The following GABRG3 variants were observed in gnomAD, a reference collection of about 807,000 sequenced individuals.
GABRG3 encodes the protein gamma-aminobutyric acid type A receptor subunit gamma3.
GABRG3 carries 25 observed loss-of-function variants against 48.8 expected under a neutral mutation model. The observed-to-expected ratio is 0.51, with a 90% CI of 0.37 to 0.72. The LOEUF (loss-of-function observed/expected upper bound fraction) is 0.72, where lower values mean the gene tolerates loss of function less well. Among genes scored for constraint, GABRG3 ranks in the 30% least tolerant of loss-of-function variants. GABRG3 has a pLI of 0.00. For synonymous variants in GABRG3, 227 were observed against 217.6 expected (o/e 1.04, Z -0.38); for missense variants, 394 against 577.9 (o/e 0.68, Z 3.26).
intron 3 of GABRG3, among the ~76,000 whole-genome samples, chr15:27,172,671 C>T (rs369558214): frequency 5.9e-5 from 9 of 152,218 alleles, no homozygotes; most frequent in African/African-American, 1.7e-4. Flanking sequence ...TAATACATAA[C>T]GGCCAACATG....
intron 3 of GABRG3, among the ~76,000 whole-genome samples, chr15:27,031,934 G>A (rs1896094641): frequency 6.6e-6 from 1 of 152,186 alleles, no homozygotes; most frequent in African/African-American, 2.4e-5. Context: ...AAAGTTCATA[G>A]CAGTTTTTGC....
intron 3 of GABRG3, chr15:27,161,021 C>T (rs576534118): frequency 2.6e-5 from 4 of 152,126 alleles, no homozygotes; most frequent in African/African-American, 9.6e-5. Context: ...GGTGCACCCA[C>T]CTGTTGTCTC....
In GABRG3 at chr15:27,114,095, G is replaced by T. The variant is rs566274694; in HGVS notation, c.270+87274G>T. On this transcript the variant is annotated intron_variant, in intron 3 of 9. Coordinates refer to ENST00000615808, the MANE Select transcript of GABRG3 (RefSeq NM_033223.5). ...TTAAAATTTATTTCCAAGACCTTTGGATATACTTTCAATAGTTTTTAATAG... is the reference window on the plus strand; with the variant it reads ...TTAAAATTTATTTCCAAGACCTTTGTATATACTTTCAATAGTTTTTAATAG... Among the ~76,000 whole-genome samples, 10 of 152,210 alleles carry T rather than the reference G, an allele frequency of 6.6e-5. No individual in the cohort carries two copies. In the East Asian group the frequency reaches 1.9e-3, roughly 29 times the overall value.
intron 5 of GABRG3, among the ~76,000 whole-genome samples, chr15:27,406,515 C>T (rs1293861500): frequency 6.6e-6 from 1 of 152,158 alleles, no homozygotes. Flanking sequence ...GTGGTAGCCC[C>T]TAAAACACTC....
intron 5 of GABRG3, among the ~76,000 whole-genome samples, chr15:27,456,042 G>A (rs563648186): frequency 8.5e-4 from 129 of 152,240 alleles, no homozygotes; most frequent in Admixed American, 2.1e-3. Flanking sequence ...CCCACCCTTA[G>A]CTTTCTATGA....
chr15:27,329,413 T>G (rs1893730662), intron 5 of GABRG3, among the ~76,000 whole-genome samples: 1 of 152,074 alleles, frequency 6.6e-6, no homozygotes, highest in African/African-American at 2.4e-5. Context: ...TATGGGCACG[T>G]GCTACCACAC....
At chr15:27,430,721 G>T (rs1566837573) in intron 5 of GABRG3, among the ~76,000 whole-genome samples, 1 of 152,124 alleles carries the variant, frequency 6.6e-6, no homozygotes, top group Non-Finnish European at 1.5e-5. Flanking sequence ...TGGGCACGGT[G>T]GCTGACACCT....
At chr15:27,257,640 C>T (rs1163863339) in intron 3 of GABRG3, among the ~76,000 whole-genome samples, 1 of 152,106 alleles carries the variant, frequency 6.6e-6, no homozygotes, top group Non-Finnish European at 1.5e-5. Flanking sequence ...CTGTACCTAC[C>T]ATTTCCAGTT....
intron 3 of GABRG3, among the ~76,000 whole-genome samples, chr15:27,313,236 A>G (rs1195282643): frequency 6.8e-4 from 56 of 82,316 alleles, no homozygotes; most frequent in South Asian, 6.4e-3. Context: ...ACGTATATGT[A>G]TATATGTGTG....
intron 3 of GABRG3, among the ~76,000 whole-genome samples, chr15:27,205,635 T>G (rs1200443067): frequency 1.3e-5 from 2 of 152,066 alleles, no homozygotes; most frequent in Non-Finnish European, 2.9e-5. Flanking sequence ...TCCACAGAAT[T>G]GGTATAAACT....
At chr15:27,249,218 C>T (rs1177424212) in intron 3 of GABRG3, among the ~76,000 whole-genome samples, 4 of 152,104 alleles carry the variant, frequency 2.6e-5, no homozygotes, top group African/African-American at 4.8e-5. Flanking sequence ...CGTGGCGCTC[C>T]GGGGAGGCTG....
chr15:27,150,694 G>A (rs191149685), intron 3 of GABRG3, among the ~76,000 whole-genome samples: 121 of 152,352 alleles, frequency 7.9e-4, no homozygotes, highest in Non-Finnish European at 1.4e-3. Context: ...AATTACCTGT[G>A]CACTTTGCCA....
intron 3 of GABRG3, among the ~76,000 whole-genome samples, chr15:27,212,823 G>A (rs2140435763): frequency 6.6e-6 from 1 of 152,292 alleles, no homozygotes; most frequent in East Asian, 1.9e-4. Context: ...TACCAGTGGA[G>A]TCTTATGGTA....
At chr15:27,015,424 A>G (rs7497312) in intron 2 of GABRG3, among the ~76,000 whole-genome samples, 80,029 of 140,430 alleles carry the variant, frequency 0.57, 22,812 homozygotes, top group African/African-American at 0.65. Flanking sequence ...TCGCTCTGTC[A>G]CCCAGGCTGG....
At chr15:27,192,624 G>A (rs372556215) in intron 3 of GABRG3, among the ~76,000 whole-genome samples, 8 of 152,128 alleles carry the variant, frequency 5.3e-5, no homozygotes, top group Admixed American at 2.6e-4. Context: ...TTATACATTC[G>A]TCTAAATTGT....
intron 3 of GABRG3, among the ~76,000 whole-genome samples, chr15:27,212,955 T>C (rs909666849): frequency 2.0e-5 from 3 of 152,250 alleles, no homozygotes; most frequent in Admixed American, 6.5e-5. Flanking sequence ...TGTATAGATA[T>C]ACCACATGCC....
chr15:27,334,140 A>G (rs1467305786), intron 5 of GABRG3, among the ~76,000 whole-genome samples: 1 of 152,238 alleles, frequency 6.6e-6, no homozygotes, highest in Non-Finnish European at 1.5e-5. Context: ...TAGCTGCAGT[A>G]TATACCTTTA....
chr15:27,511,570 A>C (rs1338138764), intron 6 of GABRG3, among the ~76,000 whole-genome samples: 1 of 152,244 alleles, frequency 6.6e-6, no homozygotes, highest in African/African-American at 2.4e-5. Context: ...AAATCCCAGG[A>C]GGTATGATGA....
chr15:27,482,303 G>T (rs1037462697), intron 6 of GABRG3, among the ~76,000 whole-genome samples: 1 of 152,086 alleles, frequency 6.6e-6, no homozygotes, highest in Non-Finnish European at 1.5e-5. Flanking sequence ...CATTTCATAC[G>T]CTCGGGACGG....
Sources: gnomAD v4.1 joint callset for allele counts (sites outside exome capture counted in the v4.1 genomes callset) on GRCh38, gnomAD v4.1.1 for gene constraint, MANE v1.5 for transcripts, NCBI Gene and HGNC (gene_info 2026-07-23, HGNC 2026-07-21) for gene names.